The following NME7 variants were observed in gnomAD, a reference collection of about 807,000 sequenced individuals.
NME7 encodes the protein NME/NM23 family member 7, also known as nucleoside diphosphate kinase 7.
A neutral mutation model predicts 49.1 loss-of-function variants in NME7; 41 were observed. The observed-to-expected ratio is 0.83, with a 90% CI of 0.65 to 1.08. The LOEUF (loss-of-function observed/expected upper bound fraction) is 1.08. Among genes scored for constraint, NME7 ranks in the 50% least tolerant of loss-of-function variants. NME7 has a pLI of 0.00. For synonymous variants in NME7, 139 were observed against 150.6 expected (o/e 0.92, Z 0.56); for missense variants, 423 against 463.4 (o/e 0.91, Z 0.80).
chr1:169,165,472 G>C (rs542869303), intron 11 of NME7, among the ~76,000 whole-genome samples: 1 of 152,242 alleles, frequency 6.6e-6, no homozygotes, highest in South Asian at 2.1e-4. Flanking sequence ...CATATAAATA[G>C]GATAACAATA....
Position 169,351,026 on chromosome 1 carries a change from G to A in NME7, c.3+16682C>T, listed in dbSNP as rs116595464. ...TTTTTCCCCTATTTCTTAACCTATA[G>A]TAAGAACCACAGTTTCCATTGGGAC... is the stretch of plus-strand genomic sequence containing the variant. On this transcript the variant is annotated intron_variant, in intron 1 of 11. Transcript: ENST00000367811. 2.5e-3 allele frequency among the ~76,000 whole-genome samples: 379 copies of A among 149,550 alleles called. 2 individuals carry two copies. Among genetic ancestry groups the A allele is most frequent in the African/African-American group, 9.0e-3 (367 of 40,586 alleles).
chr1:169,197,364 T>G (rs1213033238), intron 10 of NME7, among the ~76,000 whole-genome samples: 1 of 152,040 alleles, frequency 6.6e-6, no homozygotes, highest in African/African-American at 2.4e-5. Flanking sequence ...TCTAGTTAGC[T>G]CTATAATCAT....
At chr1:169,366,617 T>C (rs1557842592) in intron 1 of NME7, among the ~76,000 whole-genome samples, 1 of 152,206 alleles carries the variant, frequency 6.6e-6, no homozygotes, top group Non-Finnish European at 1.5e-5. Flanking sequence ...GGATGGATTA[T>C]CCTTTAATAT....
At chr1:169,259,268 A>ACTTTG (rs1649086542) in intron 7 of NME7, among the ~76,000 whole-genome samples, 2 of 132,490 alleles carry the variant, frequency 1.5e-5, no homozygotes, top group African/African-American at 5.1e-5. Context: ...CTCTTAGGGG[A>ACTTTG]GACACCTACC....
intron 11 of NME7, among the ~76,000 whole-genome samples, chr1:169,146,329 T>C (rs1658748256): frequency 6.6e-6 from 1 of 152,232 alleles, no homozygotes; most frequent in Non-Finnish European, 1.5e-5. Context: ...GAAATTTAAA[T>C]GCTACAGTGA....
intron 10 of NME7, among the ~76,000 whole-genome samples, chr1:169,179,149 T>A (rs572281422): frequency 6.6e-6 from 1 of 152,252 alleles, no homozygotes; most frequent in East Asian, 1.9e-4. Flanking sequence ...AGTGAAGTTA[T>A]AAAAGTACCA....
At chr1:169,333,601 A>AC (rs911858400) in intron 1 of NME7, among the ~76,000 whole-genome samples, 6 of 152,034 alleles carry the variant, frequency 3.9e-5, no homozygotes, top group Non-Finnish European at 8.8e-5. Flanking sequence ...TATCTCATGA[A>AC]CCCCATAAAT....
At chr1:169,341,908 A>C (rs1004802807) in intron 1 of NME7, among the ~76,000 whole-genome samples, 4 of 152,134 alleles carry the variant, frequency 2.6e-5, no homozygotes, top group East Asian at 3.9e-4. Flanking sequence ...TCTTAGAACT[A>C]ACTAACTTGC....
chr1:169,319,418 T>C (rs1426777727), intron 3 of NME7, among the ~76,000 whole-genome samples: 2 of 152,220 alleles, frequency 1.3e-5, no homozygotes, highest in East Asian at 3.8e-4. Context: ...ATGCTTGGAA[T>C]TTTTGGGCTG....
At chr1:169,270,521 T>A (rs1649457568) in intron 7 of NME7, among the ~76,000 whole-genome samples, 1 of 134,404 alleles carries the variant, frequency 7.4e-6, no homozygotes, top group Non-Finnish European at 1.8e-5. Flanking sequence ...TCCCTGTAGA[T>A]GATGAATGTA....
intron 11 of NME7, among the ~76,000 whole-genome samples, chr1:169,155,852 T>C (rs879641714): frequency 1.3e-5 from 2 of 151,594 alleles, no homozygotes; most frequent in Admixed American, 6.6e-5. Flanking sequence ...ACAACTTGAC[T>C]TAATGGAGAG....
At chr1:169,226,506 C>A (rs934101314) in intron 10 of NME7, among the ~76,000 whole-genome samples, 3 of 151,852 alleles carry the variant, frequency 2.0e-5, no homozygotes, top group African/African-American at 4.8e-5. Flanking sequence ...CAAAACATAG[C>A]TTGATTGTAA....
At position 169,141,379 on chromosome 1, in the gene NME7, G is replaced by C. The variant is rs1264119270; in HGVS notation, c.1099-8562C>G. ...AGTGGGGAATATGGGCAGAAAAGCA[G>C]AGTAAACTTCAACAGGATTACCTTG... On this transcript the variant is annotated intron_variant, in intron 11 of 11. Transcript: ENST00000367811. Among the ~76,000 whole-genome samples the C allele has an allele frequency of 5.3e-5, 8 of 152,304 alleles. No homozygotes were observed. In the East Asian group the frequency reaches 1.3e-3, roughly 26 times the overall value.
chr1:169,145,662 C>T (rs116400494), intron 11 of NME7, among the ~76,000 whole-genome samples: 4,509 of 152,226 alleles, frequency 0.03, 87 homozygotes, highest in South Asian at 0.08. Context: ...ATAGAGTAGA[C>T]TATTCTGTAA....
At chr1:169,295,139 G>GC (rs1650658588) in intron 6 of NME7, among the ~76,000 whole-genome samples, 1 of 152,086 alleles carries the variant, frequency 6.6e-6, no homozygotes, top group African/African-American at 2.4e-5. Context: ...AGATGCAGAT[G>GC]CCCAATCTTG....
intron 11 of NME7, among the ~76,000 whole-genome samples, chr1:169,135,006 C>T (rs548180499): frequency 1.8e-4 from 11 of 60,822 alleles, no homozygotes; most frequent in African/African-American, 4.8e-4. Flanking sequence ...GAGATCCCCC[C>T]GTCTCTACAA....
intron 7 of NME7, among the ~76,000 whole-genome samples, chr1:169,245,719 A>C (rs983567966): frequency 6.6e-6 from 1 of 152,320 alleles, no homozygotes; most frequent in Admixed American, 6.5e-5. Context: ...ATTTTAACTA[A>C]AAAATAGACG....
chr1:169,345,964 T>C (rs1652939621), intron 1 of NME7, among the ~76,000 whole-genome samples: 1 of 152,132 alleles, frequency 6.6e-6, no homozygotes, highest in African/African-American at 2.4e-5. Context: ...ATCTTTTAAC[T>C]CTATCCTTGA....
rs868049634 is a variant in NME7 at position 169,274,609 on chromosome 1, T to G, written c.754+12694A>C. Among the ~76,000 whole-genome samples the G allele has an allele frequency of 3.3e-4, 44 of 133,414 alleles. 2 individuals are homozygous for G. The highest frequency in any genetic ancestry group is 1.1e-3 in the African/African-American group (42 of 39,536). The allele number at this position is 133,414 out of a possible 152,430, so 87.5% of individuals were successfully genotyped here. A position where few individuals can be genotyped will look rare whatever the true frequency, so the allele number is the denominator to read the frequency against. On this transcript the variant is annotated intron_variant, in intron 7 of 11. Coordinates refer to ENST00000367811, the MANE Select transcript of NME7 (RefSeq NM_013330.5). Reference sequence around the variant, plus strand: ...GTTTTTATGGTTTTAGGTCTAACGTTTAAGTCTTTAATCCATCTTGAATTA... The same window carrying G: ...GTTTTTATGGTTTTAGGTCTAACGTGTAAGTCTTTAATCCATCTTGAATTA...
Sources: allele counts gnomAD v4.1 joint callset (sites outside exome capture counted in the v4.1 genomes callset), GRCh38; gene constraint gnomAD v4.1.1; transcripts MANE v1.5; gene names NCBI Gene and HGNC (gene_info 2026-07-23, HGNC 2026-07-21).